Variants in YTHDF2 observed in about 807,000 individuals in gnomAD.
The protein encoded by YTHDF2 is YTH N6-methyladenosine RNA binding protein F2.
In YTHDF2, 2 loss-of-function variants were observed where a neutral mutation model predicts 50.4. The ratio of observed to expected loss-of-function variants is 0.04; its 90% CI spans 0.02 to 0.12. YTHDF2 has a LOEUF of 0.12. Ranked by LOEUF, YTHDF2 falls within the 10% of genes least tolerant of loss-of-function variation. YTHDF2 has a pLI of 1.00. For missense variants in YTHDF2, 483 were observed against 722.6 expected (o/e 0.67, Z 3.80); for synonymous variants, 217 against 255.6 (o/e 0.85, Z 1.44).
intron 4 of YTHDF2, among the ~76,000 whole-genome samples, chr1:28,761,175 C>T (rs979938433): frequency 7.6e-6 from 1 of 131,706 alleles, no homozygotes; most frequent in African/African-American, 3.0e-5. Context: ...CACTTTGTCA[C>T]CCAGGCTGGA....
At chr1:28,760,292 TG>T (rs1161584292) in intron 4 of YTHDF2, among the ~76,000 whole-genome samples, 1 of 151,282 alleles carries the variant, frequency 6.6e-6, no homozygotes, top group Non-Finnish European at 1.5e-5. Flanking sequence ...TGTGTGTGTG[TG>T]TGTGTGTGTG....
At chr1:28,746,337 ATAGTTGT>A (rs1387339711) in intron 4 of YTHDF2, among the ~76,000 whole-genome samples, 17 of 152,312 alleles carry the variant, frequency 1.1e-4, no homozygotes, top group Non-Finnish European at 1.8e-4. Context: ...AATGCACAGC[ATAGTTGT>A]TAAGATAGAC....
At chr1:28,760,356 G>A (rs559600761) in intron 4 of YTHDF2, among the ~76,000 whole-genome samples, 1 of 150,990 alleles carries the variant, frequency 6.6e-6, no homozygotes, top group Admixed American at 6.6e-5. Flanking sequence ...GTGCAGTGGC[G>A]CTATCTTGGC....
Position 28,743,383 on chromosome 1 carries a change from A to G in YTHDF2, c.1113A>G (p.Val371=), listed in dbSNP as rs1179842987. The change falls in exon 4 of 5, where the codon GTA becomes GTG. Residue 371 remains valine (V), a synonymous_variant. Coordinates refer to ENST00000373812, the MANE Select transcript of YTHDF2 (RefSeq NM_016258.3). This position sits in a 1 kb window ranked among gnomAD's most constrained non-coding sequence, Gnocchi z 6.9. ...ATAATGGGGTGGATGGTAATGGAGT[A>G]GGACAGTCTCAGGCTGGTTCTGGAT... ...FGHNGVDGNG[V]GQSQAGSGST... 6.2e-7 allele frequency: 1 copy of G among 1,614,064 alleles called. No homozygotes were observed. Among genetic ancestry groups the G allele is most frequent in the East Asian group, 2.2e-5 (1 of 44,892 alleles).
rs932999469 is a variant in YTHDF2, at chr1:28,737,082, G to T, written c.-39G>T. 7 of 1,581,304 alleles carry T rather than the reference G, an allele frequency of 4.4e-6. No homozygotes were observed. The African/African-American group carries it at 8.2e-5, about 18-fold the overall frequency. ...TCTGCCGCCGCCGCCGCGCTGAGGA[G>T]AGTTCGCCGCCGTCGCCGCCCGTGA... On this transcript the variant is annotated 5_prime_UTR_variant, in exon 1 of 5. Transcript: ENST00000373812.
intron 4 of YTHDF2, among the ~76,000 whole-genome samples, chr1:28,749,177 TC>T (rs1172639930): frequency 2.2e-5 from 3 of 139,376 alleles, no homozygotes; most frequent in African/African-American, 5.4e-5. Context: ...CTTTCTTTCT[TC>T]CTTTTTTTTT....
intron 4 of YTHDF2, among the ~76,000 whole-genome samples, chr1:28,757,508 T>C (rs1400518392): frequency 1.3e-5 from 2 of 152,224 alleles, no homozygotes; most frequent in Non-Finnish European, 2.9e-5. Flanking sequence ...CTACTGCTTA[T>C]GTCAGAATTC....
chr1:28,741,667 A>T (rs1400797158), intron 3 of YTHDF2, among the ~76,000 whole-genome samples: 1 of 152,218 alleles, frequency 6.6e-6, no homozygotes, highest in African/African-American at 2.4e-5. Flanking sequence ...AGTGGGATCT[A>T]TTGATATTCC....
intron 4 of YTHDF2, among the ~76,000 whole-genome samples, chr1:28,764,748 G>T (rs2088191704): frequency 6.6e-6 from 1 of 152,084 alleles, no homozygotes; most frequent in African/African-American, 2.4e-5. Flanking sequence ...TTGCCATGTT[G>T]GCCATGCTGG....
In YTHDF2 at chr1:28,742,929, T is replaced by G. The variant is rs1329058074; in HGVS notation, c.659T>G (p.Ile220Ser). 3.1e-6 allele frequency: 5 copies of G among 1,614,158 alleles called. No homozygotes were observed. The highest frequency in any genetic ancestry group is 1.6e-4 in the Middle Eastern group (1 of 6,062). ...AVGSGSITSN[I>S]VASNSLPPAT... ...GGTAGCGGGTCCATTACTAGTAACA[T>G]CGTGGCTTCCAATAGTTTGCCTCCA... The change falls in exon 4 of 5, where the codon ATC becomes AGC. Residue 220 changes from isoleucine to serine, a missense_variant. Around this residue, in one of 4 missense-constraint regions of YTHDF2, gnomAD observed 385 missense variants for 475.8 expected, o/e 0.81. Coordinates refer to ENST00000373812, the MANE Select transcript of YTHDF2 (RefSeq NM_016258.3).
intron 3 of YTHDF2, among the ~76,000 whole-genome samples, 162 bp downstream of exon 3, chr1:28,738,500 A>G (rs1351087289): frequency 1.3e-5 from 2 of 151,794 alleles, no homozygotes; most frequent in Admixed American, 6.6e-5. Flanking sequence ...GCTGGGGTGT[A>G]GTGGCGCAAT....
Position 28,737,144 on chromosome 1 carries a change from G to A in YTHDF2, c.24G>A (p.Glu8=), listed in dbSNP as rs1223429456. Reference sequence around the variant, plus strand: ...CCATGTCGGCCAGCAGCCTCTTGGAGCAGGTACAGGCCCGGCCCGCATGCC... The same window carrying A: ...CCATGTCGGCCAGCAGCCTCTTGGAACAGGTACAGGCCCGGCCCGCATGCC... MSASSLL[E]QRPKGQGNKV... The change falls in exon 1 of 5, where the codon GAG becomes GAA. Residue 8 remains glutamate (E), a synonymous_variant. Transcript: ENST00000373812. 1 of 1,598,784 alleles carries A rather than the reference G, an allele frequency of 6.3e-7. No individual in the cohort carries two copies. The highest frequency in any genetic ancestry group is 1.7e-5 in the Admixed American group (1 of 58,630).
At chr1:28,760,386 C>T (rs930639994) in intron 4 of YTHDF2, among the ~76,000 whole-genome samples, 16 of 151,750 alleles carry the variant, frequency 1.1e-4, no homozygotes, top group Admixed American at 9.2e-4. Flanking sequence ...GCTCCACGTC[C>T]CAGGTTCACA....
chr1:28,757,124 A>G (rs750260011), intron 4 of YTHDF2, among the ~76,000 whole-genome samples: 42 of 152,364 alleles, frequency 2.8e-4, no homozygotes, highest in Middle Eastern at 3.4e-3. Flanking sequence ...GAATAAACAA[A>G]TAGTCCCTCG....
At position 28,736,950 on chromosome 1, in the gene YTHDF2, C is replaced by T. The variant is rs1050396869; in HGVS notation, c.-171C>T. The T allele has an allele frequency of 2.7e-6, 2 of 752,968 alleles. No homozygotes were observed. Among genetic ancestry groups the T allele is most frequent in the African/African-American group, 1.8e-5 (1 of 54,364 alleles). The allele number at this position is 752,968 out of a possible 1,614,324, so 46.6% of individuals were successfully genotyped here. Reference sequence around the variant, plus strand: ...TTGAGCTCTTGGGCTAGAGCGTCGCCGAGTCGGAGCCGGAGCCTGAGCCGC... The same window carrying T: ...TTGAGCTCTTGGGCTAGAGCGTCGCTGAGTCGGAGCCGGAGCCTGAGCCGC... On this transcript the variant is annotated 5_prime_UTR_variant, in exon 1 of 5. Coordinates refer to ENST00000373812, the MANE Select transcript of YTHDF2 (RefSeq NM_016258.3).
intron 4 of YTHDF2, among the ~76,000 whole-genome samples, chr1:28,760,602 G>A (rs1197978211): frequency 6.6e-6 from 1 of 151,502 alleles, no homozygotes; most frequent in East Asian, 1.9e-4. Flanking sequence ...TTTTGAGACA[G>A]AATCTCACTC....
chr1:28,752,735 C>A (rs190441916), intron 4 of YTHDF2, among the ~76,000 whole-genome samples: 1 of 149,506 alleles, frequency 6.7e-6, no homozygotes, highest in African/African-American at 2.4e-5. Flanking sequence ...AGCTCTTAAA[C>A]ATTTTTTTTC....
In YTHDF2 at chr1:28,769,512, T is replaced by G. The variant is rs982152840; in HGVS notation, c.*560T>G. 4 of 152,696 alleles carry G rather than the reference T, an allele frequency of 2.6e-5. No homozygotes were observed. The highest frequency in any genetic ancestry group is 9.6e-5 in the African/African-American group (4 of 41,454). The allele number at this position is 152,696 out of a possible 1,614,324, so 9.5% of individuals were successfully genotyped here. On this transcript the variant is annotated 3_prime_UTR_variant, in exon 5 of 5. Transcript: ENST00000373812. The stretch of plus-strand genomic sequence containing the variant: ...AGGGTGGTTCATTTTCTCTGACCTT[T>G]TGTTACTCAAAGTAAAGTACTAGGA...
At chr1:28,740,288 A>G (rs1329888327) in intron 3 of YTHDF2, 2 of 152,206 alleles carry the variant, frequency 1.3e-5, no homozygotes, top group African/African-American at 4.8e-5. Flanking sequence ...ACATTGTGTA[A>G]TTCAAATTTT....
Sources: allele counts gnomAD v4.1 joint callset (sites outside exome capture counted in the v4.1 genomes callset), GRCh38; gene constraint gnomAD v4.1.1; regional missense constraint gnomAD v4.1.1; non-coding constraint Gnocchi (gnomAD v3.1); transcripts MANE v1.5; gene names NCBI Gene and HGNC (gene_info 2026-07-23, HGNC 2026-07-21).